RMND1: variants seen among roughly 807,000 people sequenced by gnomAD.
The protein encoded by RMND1 is required for meiotic nuclear division 1 homolog.
RMND1 carries 41 observed loss-of-function variants against 54.0 expected under a neutral mutation model. That is an observed-to-expected ratio of 0.76 (90% CI 0.59 to 0.98). The LOEUF (loss-of-function observed/expected upper bound fraction) is 0.98, where lower values mean the gene tolerates loss of function less well. Among genes scored for constraint, RMND1 ranks in the 50% least tolerant of loss-of-function variants. The pLI, the probability that RMND1 is intolerant of heterozygous loss-of-function variation, is 0.00. For synonymous variants in RMND1, 183 were observed against 181.7 expected (o/e 1.01, Z -0.06); for missense variants, 457 against 532.0 (o/e 0.86, Z 1.39).
At chr6:151,414,929 T>G (rs114899386) in intron 10 of RMND1, among the ~76,000 whole-genome samples, 1 of 152,144 alleles carries the variant, frequency 6.6e-6, no homozygotes, top group South Asian at 2.1e-4. Context: ...CCTAGAATCC[T>G]ATTTCTAGGA....
At chr6:151,441,209 A>T (rs73783018) in intron 2 of RMND1, among the ~76,000 whole-genome samples, 2 of 152,030 alleles carry the variant, frequency 1.3e-5, no homozygotes, top group East Asian at 3.8e-4. Context: ...TTTAAAAATT[A>T]TACTTTCATT....
At chr6:151,405,664 C>A in intron 11 of RMND1, 56 bp downstream of exon 11, 1 of 844,102 alleles carries the variant, frequency 1.2e-6, no homozygotes, top group South Asian at 1.4e-5. Flanking sequence ...TTAGCATAGC[C>A]CCTGTATTTG....
chr6:151,430,015 T>G, intron 5 of RMND1, 123 bp downstream of exon 5: 2 of 646,096 alleles, frequency 3.1e-6, no homozygotes, highest in Non-Finnish European at 5.5e-6. Flanking sequence ...TATCATGTAA[T>G]GCAGAGCAAA....
At chr6:151,405,403 T>G in intron 11 of RMND1, 136 bp from the exon 12 acceptor site, 1 of 770,002 alleles carries the variant, frequency 1.3e-6, no homozygotes, top group South Asian at 1.7e-5. Flanking sequence ...TGGCAACCTA[T>G]GAATTGGAGG....
intron 6 of RMND1, among the ~76,000 whole-genome samples, chr6:151,425,002 G>A (rs1379938580): frequency 6.6e-6 from 1 of 152,102 alleles, no homozygotes; most frequent in African/African-American, 2.4e-5. Flanking sequence ...GAGTGTAGTG[G>A]CGTGATCTTC....
intron 3 of RMND1, among the ~76,000 whole-genome samples, chr6:151,433,606 G>T (rs1780507347): frequency 6.6e-6 from 1 of 151,970 alleles, no homozygotes; most frequent in Non-Finnish European, 1.5e-5. Flanking sequence ...AAAATTTGAA[G>T]AAGTATTAAT....
Position 151,417,418 on chromosome 6 carries a change from T to A in RMND1, c.1080-19A>T. ...ACGGTGCCTTTAAAAAGGAAAATTA[T>A]AACTTTTTATTTATCTTGAATTAAA... is the stretch of plus-strand genomic sequence containing the variant. On this transcript the variant is annotated intron_variant, in intron 9 of 11. Coordinates refer to ENST00000444024, the MANE Select transcript of RMND1 (RefSeq NM_017909.4). 1 of 1,523,786 alleles carries A rather than the reference T, an allele frequency of 6.6e-7. No homozygotes were observed. The highest frequency in any genetic ancestry group is 8.9e-7 in the Non-Finnish European group (1 of 1,119,946). The allele number at this position is 1,523,786 out of a possible 1,614,324, so 94.4% of individuals were successfully genotyped here. A position where few individuals can be genotyped will look rare whatever the true frequency, so the allele number is the denominator to read the frequency against.
chr6:151,421,518 T>C (rs1375660690), intron 8 of RMND1, among the ~76,000 whole-genome samples, 197 bp from the exon 9 acceptor site: 1 of 152,182 alleles, frequency 6.6e-6, no homozygotes, highest in Non-Finnish European at 1.5e-5. Flanking sequence ...GTATATTCTC[T>C]TTTTTCATTT....
Position 151,405,249 on chromosome 6 carries a change from G to T in RMND1, c.1336C>A (p.Arg446=). The change falls in exon 12 of 12, where the codon CGA becomes AGA. Residue 446 remains arginine, a synonymous_variant. Transcript: ENST00000444024. The stretch of plus-strand genomic sequence containing the variant: ...TTATCACTTGATCAGAAAAATACTC[G>T]TCCCAGCTCAAACATTACCTTAGAA... ...ITIEVMFELG[R]VFF 6.2e-7 allele frequency: 1 copy of T among 1,612,696 alleles called. No homozygotes were observed. The highest frequency in any genetic ancestry group is 8.5e-7 in the Non-Finnish European group (1 of 1,178,878).
chr6:151,408,085 G>A (rs1299873825), intron 10 of RMND1, among the ~76,000 whole-genome samples: 5 of 152,092 alleles, frequency 3.3e-5, no homozygotes, highest in African/African-American at 1.2e-4. Flanking sequence ...GAAAAGGTGG[G>A]ATGCTGGTGG....
At chr6:151,418,861 C>T (rs1283100549) in intron 9 of RMND1, among the ~76,000 whole-genome samples, 4 of 151,268 alleles carry the variant, frequency 2.6e-5, no homozygotes, top group Non-Finnish European at 5.9e-5. Flanking sequence ...ACCTCCACCT[C>T]TTGGGTTCAA....
At chr6:151,436,672 A>G (rs1582963178) in intron 2 of RMND1, 118 bp from the exon 3 acceptor site, 3 of 934,498 alleles carry the variant, frequency 3.2e-6, no homozygotes, top group East Asian at 5.1e-5. Context: ...TTTTCTTCAA[A>G]CATCTCCAAG....
Position 151,448,819 on chromosome 6 carries a change from C to T in RMND1, c.-14-2994G>A, listed in dbSNP as rs184880016. ...GCCAAAGCCCTCCAACCAGGCATGG[C>T]GGCTCACGCCTGTAATCTCAGCACT... On this transcript the variant is annotated intron_variant, in intron 1 of 11. Coordinates refer to ENST00000444024, the MANE Select transcript of RMND1 (RefSeq NM_017909.4). Among the ~76,000 whole-genome samples the T allele has an allele frequency of 2.0e-3, 311 of 152,234 alleles. 3 individuals carry two copies. Among genetic ancestry groups the T allele is most frequent in the Non-Finnish European group, 1.5e-3 (105 of 68,016 alleles).
intron 2 of RMND1, among the ~76,000 whole-genome samples, chr6:151,442,370 A>G (rs1455229943): frequency 6.6e-6 from 1 of 152,086 alleles, no homozygotes; most frequent in Non-Finnish European, 1.5e-5. Flanking sequence ...TTCATTTTTC[A>G]AAAAAATGGT....
At chr6:151,428,404 C>T (rs1042449334) in intron 5 of RMND1, among the ~76,000 whole-genome samples, 1 of 152,240 alleles carries the variant, frequency 6.6e-6, no homozygotes, top group African/African-American at 2.4e-5. Flanking sequence ...CTAGGTGTGT[C>T]CTCCATGGGG....
intron 10 of RMND1, among the ~76,000 whole-genome samples, chr6:151,407,669 A>G (rs1779673078): frequency 6.6e-6 from 1 of 152,112 alleles, no homozygotes. Context: ...ACACTTCGGG[A>G]GGCTGGGGCA....
intron 6 of RMND1, among the ~76,000 whole-genome samples, chr6:151,424,390 G>A (rs1276605082): frequency 1.3e-5 from 2 of 151,650 alleles, no homozygotes; most frequent in African/African-American, 4.8e-5. Context: ...GTGAACCCGG[G>A]AGGCGGAGCT....
intron 4 of RMND1, 118 bp downstream of exon 4, chr6:151,433,037 A>C: frequency 1.7e-6 from 1 of 575,274 alleles, no homozygotes; most frequent in Non-Finnish European, 3.1e-6. Context: ...GATAAATTTA[A>C]ATCACAAATA....
chr6:151,427,301 G>A lies in RMND1; in HGVS notation c.830+181C>T, dbSNP rs546337582. 1.4e-3 allele frequency among the ~76,000 whole-genome samples: 216 copies of A among 151,968 alleles called. 2 individuals carry two copies. Among genetic ancestry groups the A allele is most frequent in the African/African-American group, 5.1e-3 (212 of 41,498 alleles). On this transcript the variant is annotated intron_variant, in intron 6 of 11. Transcript: ENST00000444024. ...TGAGGCAGGAGAATTGCTTGAACCC[G>A]GGAGGCAGAGGTTGCAGTGAGCCGA...
Sources: gnomAD v4.1 joint callset for allele counts (sites outside exome capture counted in the v4.1 genomes callset) on GRCh38, gnomAD v4.1.1 for gene constraint, MANE v1.5 for transcripts, NCBI Gene and HGNC (gene_info 2026-07-23, HGNC 2026-07-21) for gene names.